Variants in PTPRR observed in about 807,000 individuals in gnomAD.
The protein encoded by PTPRR is receptor-type tyrosine-protein phosphatase R.
A neutral mutation model predicts 77.2 loss-of-function variants in PTPRR; 38 were observed. The observed-to-expected ratio is 0.49, with a 90% confidence interval of 0.38 to 0.65. The LOEUF is 0.65. PTPRR is among the 30% of genes least tolerant of loss of function. The pLI, the probability that PTPRR is intolerant of heterozygous loss-of-function variation, is 0.00. For synonymous variants in PTPRR, 299 were observed against 283.1 expected (o/e 1.06, Z -0.57); for missense variants, 744 against 799.2 (o/e 0.93, Z 0.83).
chr12:70,652,557 G>A (rs942537286), intron 13 of PTPRR, among the ~76,000 whole-genome samples: 1 of 152,218 alleles, frequency 6.6e-6, no homozygotes, highest in African/African-American at 2.4e-5. Context: ...AAATCAGAAT[G>A]ATTTTGATGC....
chr12:70,824,371 GAGC>G (rs1377809936), intron 2 of PTPRR, among the ~76,000 whole-genome samples: 1 of 152,042 alleles, frequency 6.6e-6, no homozygotes, highest in African/African-American at 2.4e-5. Context: ...ACATAATTTT[GAGC>G]AGGACAATCC....
At chr12:70,853,772 G>A (rs139056220) in intron 2 of PTPRR, among the ~76,000 whole-genome samples, 138 of 152,168 alleles carry the variant, frequency 9.1e-4, no homozygotes, top group African/African-American at 3.2e-3. Context: ...CCATGTCCCC[G>A]CTCCGCCTCC....
intron 13 of PTPRR, among the ~76,000 whole-genome samples, chr12:70,652,034 A>G (rs1886414858): frequency 6.6e-6 from 1 of 152,204 alleles, no homozygotes; most frequent in Non-Finnish European, 1.5e-5. Context: ...TATTAAATAC[A>G]TAGTGCATTC....
Position 70,920,691 on chromosome 12 carries a change from T to G in PTPRR, c.-301A>C, listed in dbSNP as rs1893844497. 2.9e-6 allele frequency: 1 copy of G among 348,670 alleles called. No individual in the cohort carries two copies. Among genetic ancestry groups the G allele is most frequent in the African/African-American group, 2.1e-5 (1 of 47,906 alleles). The allele number at this position is 348,670 out of a possible 1,614,324, so 21.6% of individuals were successfully genotyped here. On this transcript the variant is annotated 5_prime_UTR_variant, in exon 1 of 14. Transcript: ENST00000283228. ...CCAAGGCGGAGACGGCAGGGTGGAC[T>G]CCGCGCCAGCCCAGCAGCCCAGCAG...
chr12:70,862,295 C>T (rs932243330), intron 2 of PTPRR, among the ~76,000 whole-genome samples: 1 of 151,864 alleles, frequency 6.6e-6, no homozygotes, highest in Non-Finnish European at 1.5e-5. Flanking sequence ...ATAAGGGTAC[C>T]TTTTCTACAG....
chr12:70,818,219 A>G (rs1040024), intron 2 of PTPRR, among the ~76,000 whole-genome samples: 45,338 of 146,822 alleles, frequency 0.31, 10,185 homozygotes, highest in African/African-American at 0.64. Context: ...CTGGGTGACA[A>G]AGTGAAACTC....
chr12:70,799,034 TAGA>T (rs1210732482), intron 2 of PTPRR, among the ~76,000 whole-genome samples: 2 of 152,114 alleles, frequency 1.3e-5, no homozygotes, highest in Non-Finnish European at 2.9e-5. Flanking sequence ...AGGACCTTGG[TAGA>T]AGAAGTATAA....
chr12:70,677,648 C>T (rs920517111), intron 10 of PTPRR, among the ~76,000 whole-genome samples: 3 of 152,048 alleles, frequency 2.0e-5, no homozygotes, highest in Non-Finnish European at 2.9e-5. Flanking sequence ...TATTTTTCTT[C>T]GTCTATTGAA....
intron 2 of PTPRR, among the ~76,000 whole-genome samples, chr12:70,856,217 C>T (rs1892648859): frequency 6.6e-6 from 1 of 152,124 alleles, no homozygotes; most frequent in Non-Finnish European, 1.5e-5. Flanking sequence ...AAAGATATAA[C>T]CCCTGCATCT....
chr12:70,728,024 C>G (rs1023103473), intron 6 of PTPRR, among the ~76,000 whole-genome samples: 3 of 146,884 alleles, frequency 2.0e-5, no homozygotes, highest in Admixed American at 2.0e-4. Context: ...ACTAGCCTAC[C>G]TCTTCCCTAA....
intron 6 of PTPRR, among the ~76,000 whole-genome samples, chr12:70,719,320 A>G (rs888101975): frequency 2.0e-5 from 3 of 152,088 alleles, no homozygotes; most frequent in Admixed American, 6.6e-5. Flanking sequence ...GGCATGCCGT[A>G]GGATTACGGG....
chr12:70,890,718 A>G (rs1302067803), intron 2 of PTPRR, among the ~76,000 whole-genome samples: 1 of 152,136 alleles, frequency 6.6e-6, no homozygotes, highest in Non-Finnish European at 1.5e-5. Flanking sequence ...ATATCCCTCA[A>G]ACAAGAAGGT....
intron 6 of PTPRR, among the ~76,000 whole-genome samples, chr12:70,702,399 G>A (rs541021222): frequency 6.6e-6 from 1 of 152,110 alleles, no homozygotes; most frequent in South Asian, 2.1e-4. Flanking sequence ...AGCAGTTGGC[G>A]GCTCAAGGAA....
chr12:70,677,843 A>G (rs1024775304), intron 10 of PTPRR, among the ~76,000 whole-genome samples: 6 of 152,182 alleles, frequency 3.9e-5, no homozygotes, highest in Non-Finnish European at 8.8e-5. Flanking sequence ...TTGCATGTAT[A>G]TCAGAGTGAC....
At chr12:70,714,833 A>G (rs1191151477) in intron 6 of PTPRR, among the ~76,000 whole-genome samples, 1 of 151,948 alleles carries the variant, frequency 6.6e-6, no homozygotes, top group Non-Finnish European at 1.5e-5. Context: ...AAAAATACAA[A>G]AATTCGCTGG....
chr12:70,834,126 G>A (rs1048340384), intron 2 of PTPRR, among the ~76,000 whole-genome samples: 11 of 152,042 alleles, frequency 7.2e-5, no homozygotes, highest in Non-Finnish European at 1.5e-4. Context: ...TGTTATTATG[G>A]GACACATAGT....
intron 2 of PTPRR, among the ~76,000 whole-genome samples, chr12:70,870,878 T>A (rs536869157): frequency 5.9e-5 from 9 of 152,292 alleles, no homozygotes; most frequent in African/African-American, 1.7e-4. Context: ...TAAAGCAACA[T>A]GAGCAGAGAA....
At chr12:70,910,636 A>G (rs1353559267) in intron 1 of PTPRR, among the ~76,000 whole-genome samples, 1 of 152,180 alleles carries the variant, frequency 6.6e-6, no homozygotes, top group African/African-American at 2.4e-5. Flanking sequence ...GATAAAATTT[A>G]TAATTTAAGC....
intron 2 of PTPRR, among the ~76,000 whole-genome samples, chr12:70,786,294 A>G (rs1001436146): frequency 2.6e-5 from 4 of 152,220 alleles, no homozygotes; most frequent in African/African-American, 9.7e-5. Flanking sequence ...AGAGGCTTTT[A>G]GGGATGCTTA....
Sources: allele counts gnomAD v4.1 joint callset (sites outside exome capture counted in the v4.1 genomes callset), GRCh38; gene constraint gnomAD v4.1.1; transcripts MANE v1.5; gene names NCBI Gene and HGNC (gene_info 2026-07-23, HGNC 2026-07-21).